Variants in CHRDL1 observed in about 807,000 individuals in gnomAD.
CHRDL1 encodes chordin like 1, also known as chordin-like protein 1.
In CHRDL1, 19 loss-of-function variants were observed where a neutral mutation model predicts 40.9. That is an observed-to-expected ratio of 0.46 (90% CI 0.32 to 0.68). The LOEUF is 0.68. CHRDL1 is among the 30% of genes least tolerant of loss of function. The probability of loss-of-function intolerance (pLI) is 0.03; values close to 1 mark genes in which losing one functional copy is unlikely to be tolerated. For missense variants in CHRDL1, 329 were observed against 352.1 expected, an observed-to-expected ratio of 0.93 and a Z score of 0.53; for synonymous variants, 136 against 123.4, an observed-to-expected ratio of 1.10 and a Z score of -0.68.
intron 7 of CHRDL1, among the ~76,000 whole-genome samples, chrX:110,700,175 A>C (rs2070483407): frequency 8.9e-6 from 1 of 112,064 alleles, no homozygotes. Context: ...ACCAGGCTGA[A>C]GAGAGGAGAA....
chrX:110,744,989 AC>A lies in CHRDL1; in HGVS notation c.301+14671del, dbSNP rs1569477556. The stretch of plus-strand genomic sequence containing the variant: ...CACACACACACACACACACACACAC[AC>A]ACACATACATACCACACAATGTCAC... On this transcript the variant is annotated intron_variant, in intron 4 of 11. Coordinates refer to ENST00000372042, the MANE Select transcript of CHRDL1 (RefSeq NM_001143981.2). 7.5e-4 allele frequency among the ~76,000 whole-genome samples: 82 copies of A among 109,414 alleles called. 3 individuals carry two copies. Among genetic ancestry groups the A allele is most frequent in the African/African-American group, 2.7e-3 (80 of 29,750 alleles).
At chrX:110,697,814 C>CACA (rs2070421506) in intron 7 of CHRDL1, among the ~76,000 whole-genome samples, 1 of 55,134 alleles carries the variant, frequency 1.8e-5, no homozygotes. Flanking sequence ...CCACACCACT[C>CACA]CACACACACA....
At chrX:110,773,186 T>C (rs914147240) in intron 2 of CHRDL1, among the ~76,000 whole-genome samples, 1 of 112,491 alleles carries the variant, frequency 8.9e-6, no homozygotes, top group Non-Finnish European at 1.9e-5. Flanking sequence ...TCAGTTTAAA[T>C]CTTTCCACTT....
intron 4 of CHRDL1, among the ~76,000 whole-genome samples, chrX:110,734,389 G>C (rs2071226298): frequency 8.9e-6 from 1 of 112,096 alleles, no homozygotes; most frequent in Non-Finnish European, 1.9e-5. Flanking sequence ...CCAGTCTTCA[G>C]AGGCAACCTC....
intron 4 of CHRDL1, among the ~76,000 whole-genome samples, chrX:110,730,441 T>A (rs1395987752): frequency 9.0e-6 from 1 of 111,391 alleles, no homozygotes; most frequent in East Asian, 2.8e-4. Flanking sequence ...TAGACTCTAC[T>A]TTGGACTTAT....
intron 4 of CHRDL1, among the ~76,000 whole-genome samples, chrX:110,745,312 C>T (rs1186618874): frequency 1.8e-5 from 2 of 111,464 alleles, no homozygotes; most frequent in East Asian, 5.6e-4. Flanking sequence ...AAAAGACATC[C>T]AAGAACACTA....
intron 2 of CHRDL1, among the ~76,000 whole-genome samples, chrX:110,764,726 G>C (rs1285621931): frequency 9.0e-6 from 1 of 111,550 alleles, no homozygotes; most frequent in East Asian, 2.8e-4. Context: ...TGCAAGTAGG[G>C]AAGATATCTC....
At chrX:110,756,854 C>A (rs2148503465) in intron 4 of CHRDL1, among the ~76,000 whole-genome samples, 1 of 111,862 alleles carries the variant, frequency 8.9e-6, no homozygotes. Flanking sequence ...TTTGAACAAT[C>A]TGAAATGGAC....
chrX:110,737,977 A>G (rs1182985943), intron 4 of CHRDL1, among the ~76,000 whole-genome samples: 3 of 112,201 alleles, frequency 2.7e-5, no homozygotes, highest in Non-Finnish European at 5.6e-5. Flanking sequence ...TAGAGGTCAG[A>G]GAAGCTGCTA....
chrX:110,723,846 G>A (rs1000112640), intron 4 of CHRDL1, among the ~76,000 whole-genome samples: 1 of 112,427 alleles, frequency 8.9e-6, no homozygotes, highest in African/African-American at 3.2e-5. Flanking sequence ...CACTCTCAGG[G>A]TGTTAACTAC....
rs2070112868 is a variant in CHRDL1 at position 110,689,420 on chromosome X, A to ATATCTATATATC, written c.779-629_779-618dup. Among the ~76,000 whole-genome samples the ATATCTATATATC allele has an allele frequency of 4.4e-5, 3 of 68,379 alleles. 1 individual carries two copies. The highest frequency in any genetic ancestry group is 3.8e-4 in the African/African-American group (3 of 7,812). The allele number at this position is 68,379 out of a possible 115,157, so 59.4% of individuals were successfully genotyped here. On this transcript the variant is annotated intron_variant, in intron 8 of 11. Transcript: ENST00000372042. ...CCTATATATATCTATATATCTATAT[A>ATATCTATATATC]TATCTATATATCTATATATCTATAT...
At chrX:110,718,800 C>T in intron 6 of CHRDL1, among the ~76,000 whole-genome samples, 1 of 111,848 alleles carries the variant, frequency 8.9e-6, no homozygotes, top group Non-Finnish European at 1.9e-5. Context: ...TCCACGTTTG[C>T]TTATTATTTG....
intron 2 of CHRDL1, among the ~76,000 whole-genome samples, chrX:110,787,791 T>C (rs1166471387): frequency 8.9e-6 from 1 of 112,473 alleles, no homozygotes; most frequent in Non-Finnish European, 1.9e-5. Flanking sequence ...TTAACTACCT[T>C]GTAAAGCAGG....
In CHRDL1 at chrX:110,679,347, C is replaced by G; in HGVS notation, c.1235G>C (p.Arg412Thr). Residue 412 changes from arginine to threonine, a missense_variant, in exon 11 of 12, where the codon AGA becomes ACA. By Grantham distance (71) the Arg-to-Thr change is moderately conservative. Transcript: ENST00000372042. Reference sequence around the variant, plus strand: ...GAAGTACTACTTACTCAGGGTTGTTCTGGTCACCAGCTTGAAGTGAGGAAG... The same window carrying G: ...GAAGTACTACTTACTCAGGGTTGTTGTGGTCACCAGCTTGAAGTGAGGAAG... ...EELPHFKLVT[R>T]TTLSQWKIFT... 1 of 1,196,657 alleles carries G rather than the reference C, an allele frequency of 8.4e-7. No individual in the cohort carries two copies. The highest frequency in any genetic ancestry group is 1.8e-5 in the South Asian group (1 of 56,642).
chrX:110,731,395 AT>A (rs976415775), intron 4 of CHRDL1, among the ~76,000 whole-genome samples: 1 of 111,693 alleles, frequency 9.0e-6, no homozygotes, highest in Non-Finnish European at 1.9e-5. Flanking sequence ...GTAAAAAAAA[AT>A]AATAATAGTA....
intron 3 of CHRDL1, among the ~76,000 whole-genome samples, chrX:110,762,436 C>G (rs1465846041): frequency 2.7e-5 from 3 of 111,133 alleles, no homozygotes; most frequent in Non-Finnish European, 5.7e-5. Context: ...GCCACCATGC[C>G]CAGCTAATTT....
intron 6 of CHRDL1, among the ~76,000 whole-genome samples, chrX:110,706,237 G>A (rs746488764): frequency 9.2e-4 from 102 of 110,912 alleles, no homozygotes; most frequent in African/African-American, 3.2e-3. Flanking sequence ...ATTCAGCCAA[G>A]TCTTTTTGTA....
At chrX:110,741,271 T>C (rs2071355045) in intron 4 of CHRDL1, among the ~76,000 whole-genome samples, 1 of 111,916 alleles carries the variant, frequency 8.9e-6, no homozygotes, top group African/African-American at 3.2e-5. Flanking sequence ...AGTTCTGTTG[T>C]TTATAACCCC....
intron 6 of CHRDL1, among the ~76,000 whole-genome samples, chrX:110,717,541 T>G (rs1179648652): frequency 9.0e-6 from 1 of 111,240 alleles, no homozygotes; most frequent in Non-Finnish European, 1.9e-5. Context: ...CTGCCAGGAT[T>G]CAAATCTTAG....
Sources: gnomAD v4.1 joint callset for allele counts (sites outside exome capture counted in the v4.1 genomes callset) on GRCh38, gnomAD v4.1.1 for gene constraint, MANE v1.5 for transcripts, NCBI Gene and HGNC (gene_info 2026-07-23, HGNC 2026-07-21) for gene names.